Variants in KCNT2 observed in about 807,000 individuals in gnomAD.
KCNT2 encodes potassium channel subfamily T member 2.
KCNT2 carries 67 observed loss-of-function variants against 153.8 expected under a neutral mutation model. The ratio of observed to expected loss-of-function variants is 0.44; its 90% CI spans 0.36 to 0.53. KCNT2 has a LOEUF of 0.53. Among genes scored for constraint, KCNT2 ranks in the 20% least tolerant of loss-of-function variants. The pLI is 0.00. For synonymous variants in KCNT2, 500 were observed against 458.8 expected (o/e 1.09, Z -1.15); for missense variants, 975 against 1,354.8 (o/e 0.72, Z 4.40).
intron 13 of KCNT2, among the ~76,000 whole-genome samples, chr1:196,375,565 T>C (rs1328132245): frequency 1.3e-5 from 2 of 151,768 alleles, no homozygotes; most frequent in African/African-American, 4.8e-5. Context: ...CACTGTCTTC[T>C]TGTTTATTCA....
chr1:196,488,917 T>C (rs1027463123), intron 3 of KCNT2, among the ~76,000 whole-genome samples: 2 of 152,072 alleles, frequency 1.3e-5, no homozygotes, highest in African/African-American at 4.8e-5. Context: ...GAGAAGTATG[T>C]GGGAGAGCAC....
chr1:196,557,568 A>G (rs1658845909), intron 1 of KCNT2, among the ~76,000 whole-genome samples: 1 of 132,396 alleles, frequency 7.6e-6, no homozygotes, highest in South Asian at 2.2e-4. Context: ...TCTCGTGTAG[A>G]AAAAAAAAAT....
At chr1:196,317,696 T>C (rs1204930235) in intron 20 of KCNT2, among the ~76,000 whole-genome samples, 1 of 151,706 alleles carries the variant, frequency 6.6e-6, no homozygotes, top group Non-Finnish European at 1.5e-5. Flanking sequence ...ATAGGAAAGA[T>C]GAATAGTTAA....
Position 196,331,251 on chromosome 1 carries a change from C to T in KCNT2, c.2008G>A (p.Gly670Ser), listed in dbSNP as rs200491560. The change falls in exon 18 of 28, where the codon GGT becomes AGT. Residue 670 changes from glycine to serine, a missense_variant. Gly to Ser is a moderately conservative substitution (Grantham distance 56). This residue lies in a region of KCNT2 where 325 missense variants were observed against 388.1 expected (regional missense o/e 0.84). Transcript: ENST00000294725. ...EMSSNLEYAK[G>S]YPPYSPYIGS... ...ATATATGGAGAATAAGGTGGGTAACCTTTAGCATACCTGTAAAATAATACA... is the reference window on the plus strand; with the variant it reads ...ATATATGGAGAATAAGGTGGGTAACTTTTAGCATACCTGTAAAATAATACA... The T allele has an allele frequency of 2.6e-6, 4 of 1,548,552 alleles. No homozygotes were observed. The highest frequency in any genetic ancestry group is 2.7e-6 in the Non-Finnish European group (3 of 1,121,298).
chr1:196,335,423 T>C (rs542998623), intron 16 of KCNT2, among the ~76,000 whole-genome samples: 1 of 152,228 alleles, frequency 6.6e-6, no homozygotes, highest in Admixed American at 6.5e-5. Context: ...GGCTATATGG[T>C]ATAGCCTACT....
chr1:196,424,608 C>T (rs1314682745), intron 11 of KCNT2, among the ~76,000 whole-genome samples: 1 of 151,670 alleles, frequency 6.6e-6, no homozygotes, highest in Non-Finnish European at 1.5e-5. Context: ...GATGAAAATA[C>T]TCACAAAGAA....
rs992485855 is a variant in KCNT2 at position 196,390,638 on chromosome 1, C to A, written c.1294+7925G>T. On this transcript the variant is annotated intron_variant, in intron 13 of 27. Coordinates refer to ENST00000294725, the MANE Select transcript of KCNT2 (RefSeq NM_198503.5). The stretch of plus-strand genomic sequence containing the variant: ...TTTCCCCTAGAGTTATTTTTTTAAT[C>A]TAGTTAAAATTTTATGCCTTTACCG... Among the ~76,000 whole-genome samples the A allele has an allele frequency of 1.3e-4, 20 of 151,102 alleles. 1 individual carries two copies. Among genetic ancestry groups the A allele is most frequent in the Non-Finnish European group, 2.2e-4 (15 of 67,524 alleles).
At chr1:196,282,535 T>C (rs1659213488) in intron 23 of KCNT2, among the ~76,000 whole-genome samples, 179 bp from the exon 24 acceptor site, 1 of 152,212 alleles carries the variant, frequency 6.6e-6, no homozygotes, top group South Asian at 2.1e-4. Flanking sequence ...TAGATAAACA[T>C]GTACAGTTAA....
intron 12 of KCNT2, among the ~76,000 whole-genome samples, chr1:196,404,483 G>A (rs1024151285): frequency 1.3e-5 from 2 of 151,216 alleles, no homozygotes; most frequent in African/African-American, 2.4e-5. Context: ...CTCAGTCTTT[G>A]CATTCTTCTC....
At chr1:196,426,097 G>T in intron 10 of KCNT2, 109 bp from the exon 11 acceptor site, 1 of 799,588 alleles carries the variant, frequency 1.3e-6, no homozygotes. Flanking sequence ...AAACTGAAAT[G>T]AACTTTTGCT....
chr1:196,228,304 G>A lies in KCNT2; in HGVS notation c.3328C>T (p.Leu1110Phe), dbSNP rs1653648706. Residue 1110 changes from leucine to phenylalanine, a missense_variant, in exon 28 of 28, where the codon CTT becomes TTT. By Grantham distance (22) the Leu-to-Phe change is conservative. Around this residue, in one of 6 missense-constraint regions of KCNT2, gnomAD observed 241 missense variants for 271.1 expected, o/e 0.89. Coordinates refer to ENST00000294725, the MANE Select transcript of KCNT2 (RefSeq NM_198503.5). ...YLIRPDPLAYLPNSEPSRRNS... is the reference protein window; with the variant it reads ...YLIRPDPLAYFPNSEPSRRNS... ...CTTCGACTGGGCTCACTGTTTGGAA[G>A]GTAGGCCAGTGGATCTGGTCGAATT... is the stretch of plus-strand genomic sequence containing the variant. The A allele has an allele frequency of 6.2e-7, 1 of 1,607,948 alleles. No homozygotes were observed. The highest frequency in any genetic ancestry group is 8.5e-7 in the Non-Finnish European group (1 of 1,175,970).
chr1:196,603,744 G>A (rs1664998142), intron 1 of KCNT2, among the ~76,000 whole-genome samples: 1 of 50,968 alleles, frequency 2.0e-5, no homozygotes, highest in South Asian at 1.5e-3. Flanking sequence ...AACTAGAATG[G>A]TCTTAAATAA....
chr1:196,526,080 CAA>C (rs1013683343), intron 1 of KCNT2, among the ~76,000 whole-genome samples: 1 of 149,242 alleles, frequency 6.7e-6, no homozygotes, highest in African/African-American at 2.5e-5. Context: ...GAGGGGTACG[CAA>C]AAAAGTGCTA....
chr1:196,534,103 A>G (rs1007792816), intron 1 of KCNT2, among the ~76,000 whole-genome samples: 16 of 149,524 alleles, frequency 1.1e-4, no homozygotes, highest in East Asian at 2.0e-4. Flanking sequence ...ATTGGTGGGG[A>G]AAAAAAAAAG....
chr1:196,489,874 C>T lies in KCNT2; in HGVS notation c.239G>A (p.Arg80Gln), dbSNP rs1195948219. ...KLLSCLLYII[R>Q]VLLENPSQGN... ...TTGTGAAGGGTTTTCTAGTAGTACT[C>T]GGATTATGTATAATAAGCAGCTTAG... Residue 80 changes from arginine to glutamine, a missense_variant, in exon 3 of 28, where the codon CGA becomes CAA. By Grantham distance (43) the Arg-to-Gln change is conservative. This residue lies in a region of KCNT2 where 140 missense variants were observed against 216.0 expected (regional missense o/e 0.65). Transcript: ENST00000294725. 1 of 1,590,700 alleles carries T rather than the reference C, an allele frequency of 6.3e-7. No homozygotes were observed. Among genetic ancestry groups the T allele is most frequent in the South Asian group, 1.1e-5 (1 of 87,408 alleles).
chr1:196,228,028 C>T lies in KCNT2; in HGVS notation c.*196G>A, dbSNP rs1653624081. ...TTTTCAAATTTATTCCATTGAGGTC[C>T]TTCAAATATTAATAGGGAGAGTACC... On this transcript the variant is annotated 3_prime_UTR_variant, in exon 28 of 28. Transcript: ENST00000294725. The T allele has an allele frequency of 1.8e-5, 7 of 388,794 alleles. No individual in the cohort carries two copies. The South Asian group carries it at 2.5e-4, about 14-fold the overall frequency. The allele number at this position is 388,794 out of a possible 1,614,324, so 24.1% of individuals were successfully genotyped here.
chr1:196,258,507 T>C lies in KCNT2; in HGVS notation c.2911-13A>G, dbSNP rs74133644. 11,546 of 1,405,462 alleles carry C rather than the reference T, an allele frequency of 8.2e-3. 534 individuals carry two copies. In the Admixed American group the frequency reaches 0.098, roughly 12 times the overall value. The allele number at this position is 1,405,462 out of a possible 1,614,324, so 87.1% of individuals were successfully genotyped here. A position where few individuals can be genotyped will look rare whatever the true frequency, so the allele number is the denominator to read the frequency against. On this transcript the variant is annotated splice_polypyrimidine_tract_variant and intron_variant, in intron 25 of 27. Transcript: ENST00000294725. Reference sequence around the variant, plus strand: ...TAGATATTTGAGACTTTAAAGGAAATAGATATTGATAATTAGATACTTTAG... The same window carrying C: ...TAGATATTTGAGACTTTAAAGGAAACAGATATTGATAATTAGATACTTTAG...
intron 25 of KCNT2, among the ~76,000 whole-genome samples, chr1:196,259,775 T>A (rs1260273785): frequency 1.3e-5 from 2 of 151,928 alleles, no homozygotes; most frequent in African/African-American, 2.4e-5. Context: ...ATCAGAGGGA[T>A]ATCCAAAAAA....
At chr1:196,455,968 C>T (rs571025838) in intron 8 of KCNT2, among the ~76,000 whole-genome samples, 5 of 152,136 alleles carry the variant, frequency 3.3e-5, no homozygotes, top group South Asian at 2.1e-4. Context: ...TCACTCCAGC[C>T]GATGTCCACC....
Sources: allele counts gnomAD v4.1 joint callset (sites outside exome capture counted in the v4.1 genomes callset), GRCh38; gene constraint gnomAD v4.1.1; regional missense constraint gnomAD v4.1.1; transcripts MANE v1.5; gene names NCBI Gene and HGNC (gene_info 2026-07-23, HGNC 2026-07-21).